Variants in SUSD5 observed in about 807,000 individuals in gnomAD.
The protein encoded by SUSD5 is sushi domain containing 5, also known as sushi domain-containing protein 5.
SUSD5 carries 33 observed loss-of-function variants against 29.5 expected under a neutral mutation model. That is an observed-to-expected ratio of 1.12 (90% CI 0.85 to 1.49). The LOEUF is 1.49. Among genes scored for constraint, SUSD5 ranks in the 40% most tolerant of loss-of-function variants. The pLI, the probability that SUSD5 is intolerant of heterozygous loss-of-function variation, is 0.00. For synonymous variants in SUSD5, 308 were observed against 325.3 expected, an observed-to-expected ratio of 0.95 and a Z score of 0.57; for missense variants, 776 against 800.6, an observed-to-expected ratio of 0.97 and a Z score of 0.37.
chr3:33,203,769 G>A (rs1361357424), intron 3 of SUSD5, among the ~76,000 whole-genome samples: 1 of 152,142 alleles, frequency 6.6e-6, no homozygotes, highest in Non-Finnish European at 1.5e-5. Flanking sequence ...CGTTGTGCCC[G>A]GGTCTCCACA....
intron 4 of SUSD5, 124 bp downstream of exon 4, chr3:33,174,762 T>A: frequency 9.3e-7 from 1 of 1,072,516 alleles, no homozygotes; most frequent in African/African-American, 1.6e-5. Context: ...AGGATAAAGG[T>A]CTGAAAGCCT....
intron 2 of SUSD5, among the ~76,000 whole-genome samples, chr3:33,213,342 T>A (rs1313729261): frequency 2.0e-5 from 3 of 152,114 alleles, no homozygotes. Context: ...ATGTTGAGGC[T>A]GCAGTGAGCT....
At chr3:33,199,241 C>CACACAA (rs964083405) in intron 3 of SUSD5, among the ~76,000 whole-genome samples, 1 of 151,848 alleles carries the variant, frequency 6.6e-6, no homozygotes, top group African/African-American at 2.4e-5. Flanking sequence ...CACACACACA[C>CACACAA]ACACACGTTT....
intron 2 of SUSD5, among the ~76,000 whole-genome samples, chr3:33,208,711 C>A (rs1193750738): frequency 6.6e-6 from 1 of 152,006 alleles, no homozygotes; most frequent in Non-Finnish European, 1.5e-5. Flanking sequence ...CAGTGGTACC[C>A]AGAAGTTACA....
chr3:33,180,546 G>C (rs1360884587), intron 3 of SUSD5, among the ~76,000 whole-genome samples: 1 of 151,950 alleles, frequency 6.6e-6, no homozygotes, highest in Non-Finnish European at 1.5e-5. Flanking sequence ...ATTTTTTTTG[G>C]CCAGGTGCAG....
intron 3 of SUSD5, among the ~76,000 whole-genome samples, chr3:33,182,095 G>C (rs2031684936): frequency 6.6e-6 from 1 of 152,012 alleles, no homozygotes; most frequent in African/African-American, 2.4e-5. Flanking sequence ...TTGCCTCTAA[G>C]CACTGCTTCT....
intron 3 of SUSD5, among the ~76,000 whole-genome samples, chr3:33,191,347 G>T (rs2031886358): frequency 6.6e-6 from 1 of 151,990 alleles, no homozygotes; most frequent in Non-Finnish European, 1.5e-5. Flanking sequence ...AGCCAGGATG[G>T]TCTTGATCTC....
At chr3:33,193,002 G>T (rs2031926629) in intron 3 of SUSD5, among the ~76,000 whole-genome samples, 1 of 98,566 alleles carries the variant, frequency 1.0e-5, no homozygotes, top group African/African-American at 3.5e-5. Flanking sequence ...TGAAGTACTT[G>T]TCTGGGTCTC....
intron 3 of SUSD5, among the ~76,000 whole-genome samples, chr3:33,193,905 C>T (rs73047471): frequency 0.13 from 19,783 of 152,126 alleles, 1,546 homozygotes; most frequent in South Asian, 0.25. Flanking sequence ...TGCCTGGGGA[C>T]CAGACTGCCT....
At chr3:33,217,646 T>C (rs1314220920) in intron 1 of SUSD5, among the ~76,000 whole-genome samples, 1 of 151,884 alleles carries the variant, frequency 6.6e-6, no homozygotes, top group African/African-American at 2.4e-5. Context: ...CTCTACGACC[T>C]AGACGGTTTT....
At chr3:33,196,046 A>G (rs2031989266) in intron 3 of SUSD5, among the ~76,000 whole-genome samples, 1 of 152,184 alleles carries the variant, frequency 6.6e-6, no homozygotes, top group Non-Finnish European at 1.5e-5. Context: ...CTGAAACTTA[A>G]CAAGGTCCTG....
intron 4 of SUSD5, among the ~76,000 whole-genome samples, chr3:33,165,925 T>C (rs1207425262): frequency 6.6e-6 from 1 of 151,394 alleles, no homozygotes; most frequent in Non-Finnish European, 1.5e-5. Context: ...GGAGGATCAC[T>C]TGAACCCAGG....
At chr3:33,196,734 T>A (rs1456416334) in intron 3 of SUSD5, among the ~76,000 whole-genome samples, 6 of 152,140 alleles carry the variant, frequency 3.9e-5, no homozygotes, top group African/African-American at 1.4e-4. Context: ...GGGATCCTGG[T>A]TAATAATTAC....
chr3:33,209,586 A>T (rs1180052722), intron 2 of SUSD5, among the ~76,000 whole-genome samples: 72 of 114,540 alleles, frequency 6.3e-4, no homozygotes, highest in African/African-American at 8.6e-4. Context: ...TCTTTCCTTC[A>T]TTCCTTCCTT....
chr3:33,157,402 A>C (rs890190797), intron 4 of SUSD5, among the ~76,000 whole-genome samples: 2 of 152,214 alleles, frequency 1.3e-5, no homozygotes, highest in Non-Finnish European at 2.9e-5. Flanking sequence ...ACTATGACAG[A>C]ACTTTTCACT....
chr3:33,153,963 G>C lies in SUSD5; in HGVS notation c.669C>G (p.Leu223=), dbSNP rs1334485236. 7 of 1,613,740 alleles carry C rather than the reference G, an allele frequency of 4.3e-6. No individual in the cohort carries two copies. The highest frequency in any genetic ancestry group is 5.9e-6 in the Non-Finnish European group (7 of 1,179,864). The change falls in exon 5 of 5, where the codon CTC becomes CTG. Residue 223 remains leucine (L), a synonymous_variant. Transcript: ENST00000309558. ...PDDRSVSFRE[L]MEDSRTEADE... The stretch of plus-strand genomic sequence containing the variant: ...CTGCCTCTGTCCGGGAATCCTCCAT[G>C]AGCTCTCTGAATGACACAGATCTGT...
chr3:33,152,597 G>T lies in SUSD5; in HGVS notation c.*145C>A. On this transcript the variant is annotated 3_prime_UTR_variant, in exon 5 of 5. Transcript: ENST00000309558. ...TCCCTGCCCTCCCAGGTGCTCCAGA[G>T]ACACTTCTCAGCCTATAAAACAAAG... The T allele has an allele frequency of 1.1e-6, 1 of 888,234 alleles. No individual in the cohort carries two copies. 55.0% of individuals were successfully genotyped at this position (888,234 alleles called of 1,614,324 possible).
intron 3 of SUSD5, among the ~76,000 whole-genome samples, chr3:33,177,466 T>C (rs2031576218): frequency 1.3e-5 from 2 of 152,218 alleles, no homozygotes; most frequent in South Asian, 2.1e-4. Context: ...AAGAATTTCA[T>C]TTTTCCTTGG....
At chr3:33,168,600 C>A in intron 4 of SUSD5, 2 of 985,358 alleles carry the variant, frequency 2.0e-6, no homozygotes, top group Non-Finnish European at 2.4e-6. Context: ...GCCCTGGAGG[C>A]AGCACATAGC....
Sources: allele counts gnomAD v4.1 joint callset (sites outside exome capture counted in the v4.1 genomes callset), GRCh38; gene constraint gnomAD v4.1.1; transcripts MANE v1.5; gene names NCBI Gene and HGNC (gene_info 2026-07-23, HGNC 2026-07-21).